SSBP3: variants seen among roughly 807,000 people sequenced by gnomAD.
SSBP3 encodes single stranded DNA binding protein 3, also known as single-stranded DNA-binding protein 3.
A neutral mutation model predicts 69.6 loss-of-function variants in SSBP3; 5 were observed. The ratio of observed to expected loss-of-function variants is 0.07; its 90% CI spans 0.04 to 0.15. The LOEUF is 0.15. SSBP3 is among the 10% of genes least tolerant of loss of function. The pLI is 1.00. For missense variants in SSBP3, 312 were observed against 534.0 expected (o/e 0.58, Z 4.10); for synonymous variants, 196 against 193.4 (o/e 1.01, Z -0.11).
intron 4 of SSBP3, among the ~76,000 whole-genome samples, chr1:54,293,986 A>C (rs1044436819): frequency 1.3e-5 from 2 of 151,576 alleles, no homozygotes; most frequent in Admixed American, 1.3e-4. Context: ...AAAATACAAA[A>C]AAAATTAGCC....
chr1:54,408,101 C>A (rs944043116), upstream of SSBP3, among the ~76,000 whole-genome samples: 3 of 152,078 alleles, frequency 2.0e-5, no homozygotes, highest in Non-Finnish European at 4.4e-5. Flanking sequence ...CCAGGCCCTG[C>A]GGACACCTCT....
At chr1:54,333,989 G>C (rs532235052) in intron 4 of SSBP3, among the ~76,000 whole-genome samples, 1 of 152,334 alleles carries the variant, frequency 6.6e-6, no homozygotes, top group South Asian at 2.1e-4. Flanking sequence ...CCAGGAGTTT[G>C]AGGCTGCAGT....
intron 4 of SSBP3, among the ~76,000 whole-genome samples, chr1:54,396,193 G>GGAAA (rs1168912041): frequency 4.7e-4 from 19 of 40,578 alleles, no homozygotes; most frequent in African/African-American, 1.7e-3. Flanking sequence ...CTCCATCTCA[G>GGAAA]AAAAAAAAAA....
chr1:54,276,992 C>G (rs1004143714), intron 5 of SSBP3, among the ~76,000 whole-genome samples: 1 of 152,166 alleles, frequency 6.6e-6, no homozygotes. Context: ...ACCTGTCAGT[C>G]TCTCTGCTAG....
Position 54,235,427 on chromosome 1 carries a change from G to T in SSBP3, c.927+3702C>A, listed in dbSNP as rs549805221. Among the ~76,000 whole-genome samples, 17 of 144,880 alleles carry T rather than the reference G, an allele frequency of 1.2e-4. 1 individual carries two copies. The East Asian group carries it at 3.5e-3, about 30-fold the overall frequency. On this transcript the variant is annotated intron_variant, in intron 14 of 17. Transcript: ENST00000610401. ...CTCCTGAGTAGCTGGGACTATAGGC[G>T]TGTACCACCATGCCCGGCTGATTTT... is the stretch of plus-strand genomic sequence containing the variant.
intron 2 of SSBP3, 53 bp from the exon 3 acceptor site, chr1:54,404,690 G>C: frequency 4.4e-6 from 7 of 1,606,080 alleles, no homozygotes; most frequent in East Asian, 4.5e-5. Flanking sequence ...GGGTGGGCTG[G>C]GGGCTTCCCA....
At chr1:54,332,930 G>C (rs1013010356) in intron 4 of SSBP3, among the ~76,000 whole-genome samples, 1 of 152,116 alleles carries the variant, frequency 6.6e-6, no homozygotes, top group East Asian at 1.9e-4. Flanking sequence ...ACACACACGC[G>C]CGAGCACACA....
intron 4 of SSBP3, among the ~76,000 whole-genome samples, chr1:54,303,790 G>A (rs1433867706): frequency 6.6e-6 from 1 of 152,126 alleles, no homozygotes; most frequent in Non-Finnish European, 1.5e-5. Flanking sequence ...AAATATAAAA[G>A]ATGTCATTAA....
At chr1:54,246,468 A>G (rs1407934043) in intron 9 of SSBP3, among the ~76,000 whole-genome samples, 1 of 152,200 alleles carries the variant, frequency 6.6e-6, no homozygotes, top group Non-Finnish European at 1.5e-5. Context: ...GCATCTCAGA[A>G]CAAGAGCAGA....
intron 1 of SSBP3, chr1:54,412,623 C>T (rs1422885923): frequency 1.3e-5 from 2 of 152,232 alleles, no homozygotes; most frequent in Non-Finnish European, 2.9e-5. Flanking sequence ...GATGATGATT[C>T]CATTGGTTAC....
chr1:54,327,251 AGG>A (rs1646324864), intron 4 of SSBP3, among the ~76,000 whole-genome samples: 3 of 151,600 alleles, frequency 2.0e-5, no homozygotes, highest in African/African-American at 7.3e-5. Flanking sequence ...GAAGGAAGGA[AGG>A]AAGGAAGGAA....
intron 4 of SSBP3, among the ~76,000 whole-genome samples, chr1:54,290,665 T>G (rs770862811): frequency 3.9e-5 from 6 of 152,168 alleles, no homozygotes; most frequent in Non-Finnish European, 8.8e-5. Flanking sequence ...TGGAGCCCCA[T>G]GTATTTAATA....
At chr1:54,279,070 T>C (rs574993560) in intron 5 of SSBP3, among the ~76,000 whole-genome samples, 17 of 152,278 alleles carry the variant, frequency 1.1e-4, no homozygotes, top group Admixed American at 1.0e-3. Context: ...CCCATCCCCC[T>C]GCATCTGACT....
intron 4 of SSBP3, among the ~76,000 whole-genome samples, chr1:54,328,961 G>A (rs4927091): frequency 0.29 from 44,011 of 152,082 alleles, 9,396 homozygotes; most frequent in African/African-American, 0.58. Flanking sequence ...CCTCCTCTTC[G>A]TCTCTGGCTA....
At chr1:54,228,351 A>T (rs576666955) in exon 17 of SSBP3, 1 of 1,614,146 alleles carries the variant, frequency 6.2e-7, no homozygotes, top group African/African-American at 1.3e-5. Flanking sequence ...TGTTGTTAGG[A>T]GAATTCTGTG....
intron 5 of SSBP3, among the ~76,000 whole-genome samples, chr1:54,276,610 A>AAAAAT (rs1645292780): frequency 2.8e-5 from 1 of 36,010 alleles, no homozygotes; most frequent in Non-Finnish European, 6.2e-5. Flanking sequence ...CTCTGTCTCA[A>AAAAAT]AAAAAAAAAA....
chr1:54,270,931 A>T (rs1181434276), intron 5 of SSBP3, among the ~76,000 whole-genome samples: 1 of 152,136 alleles, frequency 6.6e-6, no homozygotes, highest in African/African-American at 2.4e-5. Context: ...GGAAGCATGG[A>T]TCACCTTCAC....
Position 54,258,819 on chromosome 1 carries a change from C to T in SSBP3, c.367-670G>A, listed in dbSNP as rs1172642045. On this transcript the variant is annotated intron_variant, in intron 5 of 17. Transcript: ENST00000610401. This position sits in a 1 kb window ranked among gnomAD's most constrained non-coding sequence, Gnocchi z 4.5. The stretch of plus-strand genomic sequence containing the variant: ...CCACACGGTGTGGGCAGCACAGACT[C>T]GCACACCGTGAATTCACCTGCACTT... Among the ~76,000 whole-genome samples the T allele has an allele frequency of 1.3e-5, 2 of 152,216 alleles. No individual in the cohort carries two copies. The highest frequency in any genetic ancestry group is 2.4e-5 in the African/African-American group (1 of 41,460).
intron 4 of SSBP3, among the ~76,000 whole-genome samples, chr1:54,312,293 A>G (rs923754721): frequency 2.0e-4 from 29 of 144,010 alleles, no homozygotes; most frequent in African/African-American, 7.5e-4. Flanking sequence ...TCTCTCTTTA[A>G]AAAAAAAAAA....
Sources: gnomAD v4.1 joint callset for allele counts (sites outside exome capture counted in the v4.1 genomes callset) on GRCh38, gnomAD v4.1.1 for gene constraint, Gnocchi (gnomAD v3.1) non-coding constraint, MANE v1.5 for transcripts, NCBI Gene and HGNC (gene_info 2026-07-23, HGNC 2026-07-21) for gene names.